Variants in ZNF534 observed in about 807,000 individuals in gnomAD.
The protein encoded by ZNF534 is KRAB domain only 3.
A neutral mutation model predicts 13.6 loss-of-function variants in ZNF534; 19 were observed. That is an observed-to-expected ratio of 1.40 (90% CI 0.97 to 2.05). ZNF534 has a LOEUF of 2.05. ZNF534 is among the 30% of genes most tolerant of loss of function. ZNF534 has a pLI of 0.00. For missense variants in ZNF534, 782 were observed against 796.3 expected (o/e 0.98, Z 0.22); for synonymous variants, 244 against 273.8 (o/e 0.89, Z 1.07).
At chr19:52,430,873 T>G (rs58787536) in intron 1 of ZNF534, among the ~76,000 whole-genome samples, 13 of 149,844 alleles carry the variant, frequency 8.7e-5, no homozygotes, top group Admixed American at 7.3e-4. Flanking sequence ...TTTTTTAAGA[T>G]GGAGTTTCAC....
chr19:52,431,350 G>T, intron 1 of ZNF534, 58 bp from the exon 2 acceptor site: 1 of 1,285,588 alleles, frequency 7.8e-7, no homozygotes, highest in Admixed American at 2.0e-5. Context: ...GTGTGGCTGT[G>T]GCACAGGAAG....
At chr19:52,448,555 C>A (rs918822052) in intron 4 of ZNF534, among the ~76,000 whole-genome samples, 1 of 152,104 alleles carries the variant, frequency 6.6e-6, no homozygotes, top group Non-Finnish European at 1.5e-5. Flanking sequence ...CAGAGTGAGA[C>A]CTCATCTCTA....
In ZNF534 at chr19:52,442,398, A is replaced by G. The variant is rs2059178685; in HGVS notation, c.*2952A>G. 6.6e-6 allele frequency among the ~76,000 whole-genome samples: 1 copy of G among 152,244 alleles called. No individual in the cohort carries two copies. The highest frequency in any genetic ancestry group is 1.5e-5 in the Non-Finnish European group (1 of 68,042). ...TGCTGCAGATAACTAACCAGAGCCC[A>G]TCCCTTTGTTTCCCATAAGGAATGC... On this transcript the variant is annotated 3_prime_UTR_variant, in exon 5 of 5. Coordinates refer to ENST00000433050, the MANE Select transcript of ZNF534 (RefSeq NM_001143938.3).
intron 4 of ZNF534, among the ~76,000 whole-genome samples, chr19:52,450,445 C>T (rs886106256): frequency 1.4e-4 from 22 of 152,056 alleles, no homozygotes; most frequent in African/African-American, 4.8e-4. Flanking sequence ...AATGTATATT[C>T]TTTGTCAAAA....
chr19:52,430,914 G>A (rs1233716054), intron 1 of ZNF534, among the ~76,000 whole-genome samples: 2 of 148,262 alleles, frequency 1.3e-5, no homozygotes, highest in African/African-American at 2.5e-5. Context: ...GCAATGGTGC[G>A]ATCTCGGCTC....
intron 3 of ZNF534, 71 bp from the exon 4 acceptor site, chr19:52,435,009 CT>C: frequency 6.5e-7 from 1 of 1,532,116 alleles, no homozygotes; most frequent in South Asian, 1.3e-5. Flanking sequence ...AATATGCTGT[CT>C]CCTACCTAAA....
chr19:52,430,618 T>G lies in ZNF534; in HGVS notation c.-67-790T>G, dbSNP rs551837082. Among the ~76,000 whole-genome samples, 4 of 151,580 alleles carry G rather than the reference T, an allele frequency of 2.6e-5. No homozygotes were observed. The South Asian group carries it at 8.3e-4, about 32-fold the overall frequency. On this transcript the variant is annotated intron_variant, in intron 1 of 4. Coordinates refer to ENST00000433050, the MANE Select transcript of ZNF534 (RefSeq NM_001143938.3). ...CAGGCTGGAGTGCAGTGTTAAAATC[T>G]TGGCTCACTGCAACCTCTGTCTCCT... is the stretch of plus-strand genomic sequence containing the variant.
chr19:52,434,933 C>A, intron 3 of ZNF534, 148 bp from the exon 4 acceptor site: 2 of 989,848 alleles, frequency 2.0e-6, no homozygotes, highest in Non-Finnish European at 2.9e-6. Context: ...TTACAATGTT[C>A]CCTTAGCATT....
chr19:52,440,945 A>C lies in ZNF534; in HGVS notation c.*1499A>C, dbSNP rs1314811982. 6.7e-6 allele frequency among the ~76,000 whole-genome samples: 1 copy of C among 149,692 alleles called. No individual in the cohort carries two copies. The highest frequency in any genetic ancestry group is 1.5e-5 in the Non-Finnish European group (1 of 67,694). ...AAACAAGAGTCTCGCTCTGATGCCC[A>C]GGCTGGAGTGCAGTGGTGTAATCTC... On this transcript the variant is annotated 3_prime_UTR_variant, in exon 5 of 5. Transcript: ENST00000433050.
At chr19:52,435,930 CTTCTTCTTCT>C (rs1292510487) in intron 4 of ZNF534, among the ~76,000 whole-genome samples, 6 of 8,308 alleles carry the variant, frequency 7.2e-4, no homozygotes, top group African/African-American at 1.8e-3. Context: ...TCTTATTTTT[CTTCTTCTTCT>C]TTTTTTTTTT....
chr19:52,443,665 G>A (rs918882912), downstream of ZNF534, among the ~76,000 whole-genome samples: 1 of 152,024 alleles, frequency 6.6e-6, no homozygotes, highest in Non-Finnish European at 1.5e-5. Context: ...CAGAAGAATT[G>A]CTTGAACCTG....
At chr19:52,432,241 A>T (rs977752974) in intron 2 of ZNF534, among the ~76,000 whole-genome samples, 1 of 152,132 alleles carries the variant, frequency 6.6e-6, no homozygotes, top group Non-Finnish European at 1.5e-5. Flanking sequence ...ATATATGCAT[A>T]TATAATGAAC....
Position 52,435,161 on chromosome 19 carries a change from A to C in ZNF534, c.223A>C (p.Ile75Leu), listed in dbSNP as rs2059120735. ...DPWTLQSEVK[I>L]INNPDGRECI... ...CTGGACTCTGCAGAGTGAAGTGAAA[A>C]TAATAAACAATCCAGATGGCAGGGA... The change falls in exon 4 of 5, where the codon ATA becomes CTA. Residue 75 changes from isoleucine to leucine, a missense_variant. By Grantham distance (5) the Ile-to-Leu change is conservative (BLOSUM62 2). Transcript: ENST00000433050. The C allele has an allele frequency of 1.2e-6, 2 of 1,613,226 alleles. No homozygotes were observed. Among genetic ancestry groups the C allele is most frequent in the Non-Finnish European group, 1.7e-6 (2 of 1,179,478 alleles).
chr19:52,449,283 G>T (rs141085863), intron 4 of ZNF534, among the ~76,000 whole-genome samples: 1 of 151,794 alleles, frequency 6.6e-6, no homozygotes, highest in Admixed American at 6.6e-5. Flanking sequence ...CCATATCTTG[G>T]CTATTGAGAA....
At chr19:52,431,557 C>A in intron 2 of ZNF534, 68 bp downstream of exon 2, 1 of 1,602,036 alleles carries the variant, frequency 6.2e-7, no homozygotes, top group Non-Finnish European at 8.5e-7. Flanking sequence ...ATTGGAGTTG[C>A]TAATCTCTGA....
chr19:52,430,651 A>G (rs1451247805), intron 1 of ZNF534, among the ~76,000 whole-genome samples: 1 of 151,186 alleles, frequency 6.6e-6, no homozygotes, highest in Non-Finnish European at 1.5e-5. Context: ...CCTGGGTTCA[A>G]GCAATTCTCC....
At chr19:52,445,484 A>G (rs114403781), downstream of ZNF534, among the ~76,000 whole-genome samples, 884 of 152,320 alleles carry the variant, frequency 5.8e-3, 6 homozygotes, top group African/African-American at 0.02. Flanking sequence ...GGTGTGAGCC[A>G]TAGCACCCAG....
chr19:52,447,349 T>C (rs1245228634), downstream of ZNF534, among the ~76,000 whole-genome samples: 3 of 152,266 alleles, frequency 2.0e-5, no homozygotes, highest in East Asian at 5.8e-4. Context: ...CTTTCTGGTC[T>C]CTTACATTTG....
intron 2 of ZNF534, 115 bp from the exon 3 acceptor site, chr19:52,433,840 G>A: frequency 1.7e-6 from 2 of 1,165,540 alleles, no homozygotes; most frequent in South Asian, 2.5e-5. Context: ...CCTTTAATGT[G>A]GATTTGGCGC....
Sources: allele counts gnomAD v4.1 joint callset (sites outside exome capture counted in the v4.1 genomes callset), GRCh38; gene constraint gnomAD v4.1.1; transcripts MANE v1.5; gene names NCBI Gene and HGNC (gene_info 2026-07-23, HGNC 2026-07-21).